Variants in MLLT3 observed in about 807,000 individuals in gnomAD.
MLLT3 encodes the protein protein AF-9.
In MLLT3, 4 loss-of-function variants were observed where a neutral mutation model predicts 53.2. That is an observed-to-expected ratio of 0.08 (90% CI 0.04 to 0.17). The LOEUF (loss-of-function observed/expected upper bound fraction) is 0.17. MLLT3 is among the 10% of genes least tolerant of loss of function. The pLI, the probability that MLLT3 is intolerant of heterozygous loss-of-function variation, is 1.00. For missense variants in MLLT3, 569 were observed against 684.0 expected, an observed-to-expected ratio of 0.83 and a Z score of 1.87; for synonymous variants, 283 against 230.6, an observed-to-expected ratio of 1.23 and a Z score of -2.06.
intron 2 of MLLT3, among the ~76,000 whole-genome samples, chr9:20,529,761 G>GT (rs1285602348): frequency 7.5e-6 from 1 of 133,026 alleles, no homozygotes; most frequent in East Asian, 2.2e-4. Context: ...TAGGGATGGG[G>GT]TTCTCACTGT....
In MLLT3 at chr9:20,448,310, A is replaced by G. The variant is rs370009788; in HGVS notation, c.277-44T>C. On this transcript the variant is annotated intron_variant, in intron 3 of 10. Coordinates refer to ENST00000380338, the MANE Select transcript of MLLT3 (RefSeq NM_004529.4). The surrounding 1 kb of genome is among the most constrained non-coding windows in gnomAD (Gnocchi z 4.0). The stretch of plus-strand genomic sequence containing the variant: ...TATGAAAGAAAAAAGAGAGTGAGGC[A>G]TAAGTGAAATTTTAAAAGCAAAAAT... 383 of 1,590,534 alleles carry G rather than the reference A, an allele frequency of 2.4e-4. 1 individual carries two copies. Among genetic ancestry groups the G allele is most frequent in the Non-Finnish European group, 3.1e-4 (358 of 1,169,008 alleles).
At chr9:20,559,697 T>C (rs1303995812) in intron 2 of MLLT3, among the ~76,000 whole-genome samples, 3 of 152,172 alleles carry the variant, frequency 2.0e-5, no homozygotes, top group Non-Finnish European at 1.5e-5. Context: ...ACCTGAGTCA[T>C]GTAGGATAAA....
At chr9:20,425,386 G>C (rs931181970) in intron 4 of MLLT3, among the ~76,000 whole-genome samples, 4 of 152,080 alleles carry the variant, frequency 2.6e-5, no homozygotes, top group African/African-American at 9.7e-5. Flanking sequence ...AGGAAGATTA[G>C]AACATAGGAC....
At chr9:20,524,956 G>A (rs1379039074) in intron 2 of MLLT3, among the ~76,000 whole-genome samples, 1 of 152,180 alleles carries the variant, frequency 6.6e-6, no homozygotes, top group Non-Finnish European at 1.5e-5. Context: ...TCAGGCTACA[G>A]AGGGCGCTAC....
At position 20,617,089 on chromosome 9, in the gene MLLT3, T is replaced by C. The variant is rs17831876; in HGVS notation, c.193+3565A>G. Among the ~76,000 whole-genome samples, 1,530 of 152,320 alleles carry C rather than the reference T, an allele frequency of 0.01. 69 individuals carry two copies. In the East Asian group the frequency reaches 0.14, roughly 14 times the overall value. On this transcript the variant is annotated intron_variant, in intron 2 of 10. Transcript: ENST00000380338. ...AGTAAAACTGTTCTCACTGGTCATC[T>C]AAATTTCATACAGAACCCTACACAA...
intron 4 of MLLT3, among the ~76,000 whole-genome samples, chr9:20,439,485 T>C (rs971295861): frequency 2.7e-5 from 4 of 149,774 alleles, no homozygotes; most frequent in African/African-American, 9.8e-5. Context: ...GTCAAAACCA[T>C]GAAGAGAAAA....
intron 2 of MLLT3, among the ~76,000 whole-genome samples, chr9:20,558,556 T>A (rs896541750): frequency 6.6e-6 from 1 of 152,194 alleles, no homozygotes; most frequent in Non-Finnish European, 1.5e-5. Context: ...AGTTGAAGAA[T>A]AGGCTCTTAT....
chr9:20,596,731 T>A (rs1196559270), intron 2 of MLLT3, among the ~76,000 whole-genome samples: 1 of 152,102 alleles, frequency 6.6e-6, no homozygotes, highest in Non-Finnish European at 1.5e-5. Flanking sequence ...ATAAGCTGCT[T>A]GAAAACATTA....
intron 2 of MLLT3, among the ~76,000 whole-genome samples, chr9:20,569,395 T>C (rs1359939449): frequency 1.3e-5 from 2 of 152,112 alleles, no homozygotes; most frequent in East Asian, 1.9e-4. Context: ...CCCAATGTTG[T>C]ACCTTGAAAT....
chr9:20,550,265 C>A (rs916704899), intron 2 of MLLT3, among the ~76,000 whole-genome samples: 2 of 152,174 alleles, frequency 1.3e-5, no homozygotes, highest in African/African-American at 4.8e-5. Context: ...ATGACAGAAG[C>A]ACCCAAGTAA....
In MLLT3 at chr9:20,471,007, G is replaced by A. The variant is rs974172498; in HGVS notation, c.194-14221C>T. Among the ~76,000 whole-genome samples the A allele has an allele frequency of 6.6e-5, 10 of 151,928 alleles. No homozygotes were observed. In the South Asian group the frequency reaches 8.3e-4, roughly 13 times the overall value. On this transcript the variant is annotated intron_variant, in intron 2 of 10. Transcript: ENST00000380338. ...TGATTTATTTAACACCTTTCATCAC[G>A]TCCCTGAAAGATCACTGATGTCACA...
intron 2 of MLLT3, among the ~76,000 whole-genome samples, chr9:20,608,724 T>G (rs1343699127): frequency 1.3e-5 from 2 of 151,958 alleles, no homozygotes; most frequent in Non-Finnish European, 2.9e-5. Flanking sequence ...TCCAAATTAC[T>G]TGTAGAAAAA....
chr9:20,408,026 G>A (rs542041401), intron 5 of MLLT3, among the ~76,000 whole-genome samples: 2 of 152,176 alleles, frequency 1.3e-5, no homozygotes, highest in South Asian at 4.1e-4. Context: ...TTGAATAGGT[G>A]ATGTAGCTCT....
chr9:20,602,106 C>G (rs1318974515), intron 2 of MLLT3, among the ~76,000 whole-genome samples: 2 of 152,142 alleles, frequency 1.3e-5, no homozygotes, highest in Non-Finnish European at 2.9e-5. Flanking sequence ...GTTCTTCCCC[C>G]TCACGATAAT....
chr9:20,528,814 T>C (rs919701774), intron 2 of MLLT3, among the ~76,000 whole-genome samples: 1 of 152,256 alleles, frequency 6.6e-6, no homozygotes, highest in Non-Finnish European at 1.5e-5. Context: ...AGGTAAAATT[T>C]ACAGGTTCCA....
chr9:20,378,936 T>C (rs572446887), intron 5 of MLLT3, among the ~76,000 whole-genome samples: 2 of 152,180 alleles, frequency 1.3e-5, no homozygotes, highest in South Asian at 4.1e-4. Flanking sequence ...TAATATTAGA[T>C]TTCTGTCCAG....
intron 2 of MLLT3, among the ~76,000 whole-genome samples, chr9:20,522,398 A>C (rs1250624443): frequency 1.3e-5 from 2 of 152,232 alleles, no homozygotes; most frequent in African/African-American, 4.8e-5. Flanking sequence ...ACATATTTTA[A>C]AATTAGCTTT....
At chr9:20,528,503 G>C (rs182838407) in intron 2 of MLLT3, among the ~76,000 whole-genome samples, 1 of 152,332 alleles carries the variant, frequency 6.6e-6, no homozygotes, top group Non-Finnish European at 1.5e-5. Flanking sequence ...CTCACAATCA[G>C]TTTCACTGCA....
intron 2 of MLLT3, among the ~76,000 whole-genome samples, chr9:20,597,966 T>C (rs1439777534): frequency 6.6e-6 from 1 of 152,212 alleles, no homozygotes; most frequent in African/African-American, 2.4e-5. Flanking sequence ...CTCAGCAACA[T>C]TTGCTTTACT....
Sources: gnomAD v4.1 joint callset for allele counts (sites outside exome capture counted in the v4.1 genomes callset) on GRCh38, gnomAD v4.1.1 for gene constraint, Gnocchi (gnomAD v3.1) non-coding constraint, MANE v1.5 for transcripts, NCBI Gene and HGNC (gene_info 2026-07-23, HGNC 2026-07-21) for gene names.